The following ACCSL variants were observed in gnomAD, a reference collection of about 807,000 sequenced individuals.
The protein encoded by ACCSL is 1-aminocyclopropane-1-carboxylate synthase homolog (inactive) like.
A neutral mutation model predicts 61.7 loss-of-function variants in ACCSL; 55 were observed. That is an observed-to-expected ratio of 0.89 (90% CI 0.72 to 1.12). The LOEUF (loss-of-function observed/expected upper bound fraction) is 1.12. Ranked by LOEUF, ACCSL falls within the 50% of genes most tolerant of loss-of-function variation. The pLI, the probability that ACCSL is intolerant of heterozygous loss-of-function variation, is 0.00. For missense variants in ACCSL, 632 were observed against 698.0 expected (o/e 0.91, Z 1.07); for synonymous variants, 258 against 264.3 (o/e 0.98, Z 0.23).
At chr11:44,038,038 C>A in the ACCSL span, among the ~76,000 whole-genome samples, 3 of 152,046 alleles carry the variant, frequency 2.0e-5, no homozygotes, top group East Asian at 5.8e-4. Context: ...AGTTTACCTT[C>A]TAGAGAAGGG....
the ACCSL span, among the ~76,000 whole-genome samples, chr11:43,980,643 C>T: frequency 0.11 from 17,435 of 152,154 alleles, 1,315 homozygotes; most frequent in East Asian, 0.28. Flanking sequence ...AAGAGTTCTT[C>T]GTATTTAGGA....
the ACCSL span, among the ~76,000 whole-genome samples, chr11:43,998,908 C>T: frequency 4.6e-5 from 7 of 152,082 alleles, no homozygotes; most frequent in Non-Finnish European, 8.8e-5. Context: ...TACAGGCATG[C>T]ACCATCACAC....
chr11:44,057,834 G>A (rs901441025), intron 11 of ACCSL, among the ~76,000 whole-genome samples: 1 of 152,254 alleles, frequency 6.6e-6, no homozygotes, highest in Admixed American at 6.5e-5. Flanking sequence ...AGAGGTGGGT[G>A]TATCAGGTGT....
the ACCSL span, among the ~76,000 whole-genome samples, chr11:44,016,331 C>T: frequency 6.6e-6 from 1 of 152,244 alleles, no homozygotes; most frequent in Admixed American, 6.5e-5. Context: ...GTGGGCAGGC[C>T]TGGGAGGTGG....
At chr11:43,949,083 A>G in the ACCSL span, among the ~76,000 whole-genome samples, 1 of 152,324 alleles carries the variant, frequency 6.6e-6, no homozygotes, top group Admixed American at 6.5e-5. Context: ...AGTGGCCTGC[A>G]GGCCCTCCCA....
At chr11:44,048,561 GT>G in intron 1 of ACCSL, 21 bp downstream of exon 1, 2 of 204,348 alleles carry the variant, frequency 9.8e-6, no homozygotes, top group Non-Finnish European at 8.7e-6. Flanking sequence ...GGGGTGGGGG[GT>G]GGGCAGCATC....
the ACCSL span, among the ~76,000 whole-genome samples, chr11:44,018,791 G>C: frequency 5.6e-4 from 85 of 152,086 alleles, no homozygotes; most frequent in Non-Finnish European, 9.3e-4. Context: ...AGCATACTAA[G>C]ACCCCATTTC....
At chr11:43,943,850 G>A in the ACCSL span, 8 of 1,283,514 alleles carry the variant, frequency 6.2e-6, no homozygotes, top group Non-Finnish European at 8.2e-6. This position sits in a 1 kb window ranked among gnomAD's most constrained non-coding sequence, Gnocchi z 4.8. Context: ...CTCCTGAAAG[G>A]AGACAAATAA....
chr11:44,035,306 C>G, the ACCSL span, among the ~76,000 whole-genome samples: 1 of 151,990 alleles, frequency 6.6e-6, no homozygotes, highest in African/African-American at 2.4e-5. Flanking sequence ...GCACCTAGAG[C>G]AGTGTCTAGC....
At chr11:43,967,469 A>G in the ACCSL span, among the ~76,000 whole-genome samples, 3 of 151,976 alleles carry the variant, frequency 2.0e-5, no homozygotes, top group Non-Finnish European at 4.4e-5. Context: ...GTGAACCACC[A>G]CGCCCGGCCT....
At chr11:43,977,910 A>G in the ACCSL span, among the ~76,000 whole-genome samples, 1 of 151,996 alleles carries the variant, frequency 6.6e-6, no homozygotes, top group South Asian at 2.1e-4. Context: ...TGTACGTCAT[A>G]TAGAATATGC....
chr11:43,982,457 A>G, the ACCSL span, among the ~76,000 whole-genome samples: 1 of 151,706 alleles, frequency 6.6e-6, no homozygotes, highest in Non-Finnish European at 1.5e-5. Context: ...TGAACTCCTG[A>G]CCTGAAGTGA....
chr11:44,000,113 C>T, the ACCSL span, among the ~76,000 whole-genome samples: 1 of 152,138 alleles, frequency 6.6e-6, no homozygotes. Flanking sequence ...AACCCTGCCT[C>T]TATTTTTCTT....
chr11:43,988,407 A>G, the ACCSL span, among the ~76,000 whole-genome samples: 14 of 151,786 alleles, frequency 9.2e-5, no homozygotes, highest in African/African-American at 3.4e-4. Flanking sequence ...CTCCCTGGGA[A>G]TATTCTCCAA....
the ACCSL span, among the ~76,000 whole-genome samples, chr11:43,938,446 C>T: frequency 1.3e-5 from 2 of 152,218 alleles, no homozygotes; most frequent in Non-Finnish European, 2.9e-5. Context: ...TGACCACATC[C>T]AAAGTTCCTT....
At chr11:43,999,131 T>C in the ACCSL span, among the ~76,000 whole-genome samples, 1 of 152,164 alleles carries the variant, frequency 6.6e-6, no homozygotes, top group Non-Finnish European at 1.5e-5. Context: ...AGATATTGAA[T>C]GTTAAGCGCT....
chr11:44,007,784 C>A, the ACCSL span, among the ~76,000 whole-genome samples: 1 of 152,118 alleles, frequency 6.6e-6, no homozygotes, highest in South Asian at 2.1e-4. Context: ...TTACATGAGA[C>A]AACGGAAGGA....
At chr11:44,040,145 T>G in the ACCSL span, among the ~76,000 whole-genome samples, 1 of 152,230 alleles carries the variant, frequency 6.6e-6, no homozygotes, top group South Asian at 2.1e-4. Flanking sequence ...GTTAACCCAC[T>G]TCAGCTTGTT....
chr11:43,933,557 T>A, the ACCSL span: 1 of 166,946 alleles, frequency 6.0e-6, no homozygotes, highest in East Asian at 1.5e-4. Flanking sequence ...TTGTGAGGGA[T>A]TTTCTTCTCA....
Sources: gnomAD v4.1 joint callset for allele counts (sites outside exome capture counted in the v4.1 genomes callset) on GRCh38, gnomAD v4.1.1 for gene constraint, Gnocchi (gnomAD v3.1) non-coding constraint, MANE v1.5 for transcripts, NCBI Gene and HGNC (gene_info 2026-07-23, HGNC 2026-07-21) for gene names.